The following PGM1 variants were observed in gnomAD, a reference collection of about 807,000 sequenced individuals.
PGM1 encodes the protein phosphoglucomutase 1, also known as phosphoglucomutase-1.
A neutral mutation model predicts 55.6 loss-of-function variants in PGM1; 52 were observed. That is an observed-to-expected ratio of 0.94 (90% CI 0.75 to 1.18). PGM1 has a LOEUF of 1.18. PGM1 is among the 50% of genes most tolerant of loss of function. PGM1 has a pLI of 0.00. For synonymous variants in PGM1, 287 were observed against 271.7 expected, an observed-to-expected ratio of 1.06 and a Z score of -0.55; for missense variants, 724 against 729.3, an observed-to-expected ratio of 0.99 and a Z score of 0.08.
intron 7 of PGM1, among the ~76,000 whole-genome samples, chr1:63,641,789 T>A (rs540778404): frequency 6.6e-6 from 1 of 152,302 alleles, no homozygotes; most frequent in African/African-American, 2.4e-5. Flanking sequence ...CTTATGTGTC[T>A]TATCCTGCAT....
chr1:63,651,593 G>T (rs974203724), intron 8 of PGM1, 76 bp from the exon 9 acceptor site: 5 of 1,393,000 alleles, frequency 3.6e-6, no homozygotes, highest in Non-Finnish European at 5.0e-6. Context: ...AACAAATGAT[G>T]AAGAAAGTGC....
chr1:63,649,310 ATACTTAG>A (rs1259825032), intron 8 of PGM1, among the ~76,000 whole-genome samples: 22 of 152,338 alleles, frequency 1.4e-4, no homozygotes, highest in Non-Finnish European at 2.8e-4. Context: ...AATACTTAGA[ATACTTAG>A]TAATTATTCC....
intron 3 of PGM1, among the ~76,000 whole-genome samples, chr1:63,630,309 A>G (rs891153770): frequency 1.3e-5 from 2 of 152,186 alleles, no homozygotes; most frequent in Non-Finnish European, 2.9e-5. Flanking sequence ...GACATCGAGT[A>G]AGTCATTTCC....
intron 4 of PGM1, among the ~76,000 whole-genome samples, chr1:63,633,866 C>CTGTGTGTGTGTGTG (rs58094821): frequency 1.2e-4 from 9 of 73,398 alleles, no homozygotes; most frequent in Non-Finnish European, 2.2e-4. Flanking sequence ...GTCTGTGTCT[C>CTGTGTGTGTGTGTG]TGTGTGTGTG....
intron 9 of PGM1, among the ~76,000 whole-genome samples, chr1:63,652,328 C>T (rs960832177): frequency 4.6e-5 from 7 of 152,188 alleles, no homozygotes; most frequent in African/African-American, 1.7e-4. Flanking sequence ...ATAGATGAGG[C>T]ATTCCCAGAC....
rs376487445 is a variant in PGM1 at position 63,623,430 on chromosome 1, C to T, written c.247-5995C>T. ...GAGTCCCTTGACTGCTTTCTGGACA[C>T]CCTCACTGAGCCAGTCGGTGGAAGT... On this transcript the variant is annotated intron_variant, in intron 1 of 10. Transcript: ENST00000371084. The T allele has an allele frequency of 7.7e-5, 124 of 1,601,664 alleles. No homozygotes were observed. The African/African-American group carries it at 1.3e-3, about 17-fold the overall frequency.
At chr1:63,658,725 C>G (rs1472873219) in intron 10 of PGM1, among the ~76,000 whole-genome samples, 1 of 149,806 alleles carries the variant, frequency 6.7e-6, no homozygotes. Flanking sequence ...GCACTCCAGC[C>G]TGGGCAACAA....
chr1:63,627,065 C>CCA lies in PGM1; in HGVS notation c.247-2346_247-2345dup, dbSNP rs66609334. Reference sequence around the variant, plus strand: ...GGCATATGGCAGGACCCCCCCCCCCCCACACACACACACACTTTTAAGGCT... The same window carrying CCA: ...GGCATATGGCAGGACCCCCCCCCCCCCACACACACACACACACTTTTAAGGCT... On this transcript the variant is annotated intron_variant, in intron 1 of 10. Coordinates refer to ENST00000371084, the MANE Select transcript of PGM1 (RefSeq NM_002633.3). Among the ~76,000 whole-genome samples the CCA allele has an allele frequency of 5.6e-3, 551 of 98,236 alleles. 5 individuals carry two copies. Among genetic ancestry groups the CCA allele is most frequent in the Middle Eastern group, 0.028 (5 of 180 alleles). The allele number at this position is 98,236 out of a possible 152,430, so 64.4% of individuals were successfully genotyped here.
At chr1:63,600,160 T>C (rs527938624) in intron 1 of PGM1, 1 of 152,354 alleles carries the variant, frequency 6.6e-6, no homozygotes, top group South Asian at 2.1e-4. Context: ...TAGGCAGGAC[T>C]CTTTTTTAGA....
At chr1:63,640,885 G>C (rs976043841) in intron 7 of PGM1, among the ~76,000 whole-genome samples, 1 of 152,206 alleles carries the variant, frequency 6.6e-6, no homozygotes, top group Non-Finnish European at 1.5e-5. Flanking sequence ...CCAGAACTGA[G>C]CCCAAATCTT....
intron 1 of PGM1, among the ~76,000 whole-genome samples, chr1:63,595,668 G>T (rs1285419920): frequency 3.9e-5 from 6 of 152,098 alleles, no homozygotes; most frequent in East Asian, 1.9e-4. Context: ...TATTCAGTCA[G>T]TCATTCAACA....
intron 9 of PGM1, among the ~76,000 whole-genome samples, chr1:63,653,908 GA>G (rs1322802057): frequency 2.0e-5 from 3 of 152,270 alleles, no homozygotes; most frequent in Admixed American, 6.5e-5. Flanking sequence ...TCATCTGCCT[GA>G]AACCTCTTCA....
At chr1:63,627,309 T>C (rs764929451) in intron 1 of PGM1, among the ~76,000 whole-genome samples, 1 of 152,060 alleles carries the variant, frequency 6.6e-6, no homozygotes, top group Non-Finnish European at 1.5e-5. Flanking sequence ...CACAGAATTA[T>C]GATTTAGAAA....
chr1:63,654,383 G>A lies in PGM1; in HGVS notation c.1516G>A (p.Gly506Ser), dbSNP rs764827525. ...DGSRIVFRLS[G>S]TGSAGATIRL... Reference sequence around the variant, plus strand: ...TTCTCGAATCGTCTTCCGACTGAGCGGCACTGGGAGTGCCGGGGCCACCAT... The same window carrying A: ...TTCTCGAATCGTCTTCCGACTGAGCAGCACTGGGAGTGCCGGGGCCACCAT... Residue 506 changes from glycine to serine, a missense_variant, in exon 10 of 11, where the codon GGC becomes AGC. This residue lies in a region of PGM1 where 316 missense variants were observed against 313.1 expected (regional missense o/e 1.01). Transcript: ENST00000371084. The A allele has an allele frequency of 1.9e-6, 3 of 1,613,956 alleles. No homozygotes were observed. Among genetic ancestry groups the A allele is most frequent in the Admixed American group, 3.3e-5 (2 of 60,016 alleles).
At chr1:63,605,755 A>G (rs1648401047) in intron 1 of PGM1, among the ~76,000 whole-genome samples, 1 of 151,800 alleles carries the variant, frequency 6.6e-6, no homozygotes, top group Non-Finnish European at 1.5e-5. Flanking sequence ...GTATTTTTGT[A>G]AAGATGAGGT....
intron 1 of PGM1, chr1:63,623,207 G>A (rs1203633931): frequency 3.0e-6 from 4 of 1,340,408 alleles, no homozygotes. Context: ...GGGCAGAAGT[G>A]TCCTCATCAA....
chr1:63,622,590 A>G (rs1002669166), intron 1 of PGM1, among the ~76,000 whole-genome samples: 2 of 152,238 alleles, frequency 1.3e-5, no homozygotes, highest in Admixed American at 6.5e-5. Context: ...AAACATATGT[A>G]TATTTTTTCC....
chr1:63,644,180 A>G (rs914460207), intron 7 of PGM1, among the ~76,000 whole-genome samples: 2 of 152,206 alleles, frequency 1.3e-5, no homozygotes, highest in South Asian at 2.1e-4. Flanking sequence ...TGAGCCGAGT[A>G]TGTGCTTATC....
chr1:63,596,523 C>T (rs1052406047), intron 1 of PGM1, among the ~76,000 whole-genome samples: 16 of 152,138 alleles, frequency 1.1e-4, no homozygotes, highest in Non-Finnish European at 1.9e-4. Context: ...TCCCAAGGTG[C>T]TGGGATTACA....
Sources: allele counts gnomAD v4.1 joint callset (sites outside exome capture counted in the v4.1 genomes callset), GRCh38; gene constraint gnomAD v4.1.1; regional missense constraint gnomAD v4.1.1; transcripts MANE v1.5; gene names NCBI Gene and HGNC (gene_info 2026-07-23, HGNC 2026-07-21).